Variants in TXNDC11 observed in about 807,000 individuals in gnomAD.
TXNDC11 encodes the protein thioredoxin domain-containing protein 11.
A neutral mutation model predicts 78.0 loss-of-function variants in TXNDC11; 68 were observed. The ratio of observed to expected loss-of-function variants is 0.87; its 90% CI spans 0.72 to 1.07. The LOEUF (loss-of-function observed/expected upper bound fraction) is 1.07. TXNDC11 is among the 50% of genes least tolerant of loss of function. The pLI is 0.00. For synonymous variants in TXNDC11, 571 were observed against 495.2 expected (o/e 1.15, Z -2.03); for missense variants, 1,389 against 1,221.8 (o/e 1.14, Z -2.04).
intron 11 of TXNDC11, among the ~76,000 whole-genome samples, chr16:11,683,655 C>T (rs1022199270): frequency 6.6e-6 from 1 of 151,974 alleles, no homozygotes; most frequent in African/African-American, 2.4e-5. Context: ...CATTCAAGCT[C>T]GGGTAAGAGA....
At chr16:11,687,258 T>C (rs2050590275) in intron 10 of TXNDC11, among the ~76,000 whole-genome samples, 1 of 152,176 alleles carries the variant, frequency 6.6e-6, no homozygotes, top group Admixed American at 6.5e-5. Context: ...TTAACTCTTA[T>C]CTATCTGTAG....
In TXNDC11 at chr16:11,742,815, C is replaced by G; in HGVS notation, c.-85G>C. 7.3e-7 allele frequency: 1 copy of G among 1,373,450 alleles called. No homozygotes were observed. Among genetic ancestry groups the G allele is most frequent in the Non-Finnish European group, 9.4e-7 (1 of 1,068,880 alleles). 85.1% of individuals were successfully genotyped at this position (1,373,450 alleles called of 1,614,324 possible). A position where few individuals can be genotyped will look rare whatever the true frequency, so the allele number is the denominator to read the frequency against. On this transcript the variant is annotated 5_prime_UTR_variant, in exon 1 of 12. Transcript: ENST00000283033. ...CCCGGCCCGTTGCTCCCCAATCCCG[C>G]AGCTCGCCGCACCCGCTAACCCGGA...
At chr16:11,740,423 C>T (rs1305128774) in intron 1 of TXNDC11, among the ~76,000 whole-genome samples, 2 of 152,216 alleles carry the variant, frequency 1.3e-5, no homozygotes, top group African/African-American at 4.8e-5. Flanking sequence ...TCTCATTCTG[C>T]CTACTCTAGT....
At chr16:11,708,522 C>T (rs2051248219) in intron 5 of TXNDC11, among the ~76,000 whole-genome samples, 1 of 152,140 alleles carries the variant, frequency 6.6e-6, no homozygotes, top group South Asian at 2.1e-4. Context: ...TGTGGAATTC[C>T]TTACATTAGG....
rs1348567881 is a variant in TXNDC11 at position 11,679,344 on chromosome 16, C to T, written c.2728G>A (p.Gly910Arg). ...TMERKLEGRDGAESLAAQREV... is the reference protein window; with the variant it reads ...TMERKLEGRDRAESLAAQREV... ...CTCTGGGCCGCCAGGCTTTCAGCTC[C>T]ATCCCTGCCCTCCAGTTTCCTCTCC... The change falls in exon 12 of 12, where the codon GGA becomes AGA. Residue 910 changes from glycine (G) to arginine (R), a missense_variant. Transcript: ENST00000283033. The surrounding 1 kb of genome is among the most constrained non-coding windows in gnomAD (Gnocchi z 4.6). 1.1e-5 allele frequency: 17 copies of T among 1,612,240 alleles called. No homozygotes were observed. Among genetic ancestry groups the T allele is most frequent in the Non-Finnish European group, 1.4e-5 (16 of 1,179,416 alleles).
chr16:11,734,704 C>T (rs2052169077), intron 2 of TXNDC11, among the ~76,000 whole-genome samples: 1 of 152,192 alleles, frequency 6.6e-6, no homozygotes. Flanking sequence ...CTCTTGTGCC[C>T]AACATGGGCA....
At chr16:11,682,523 G>C (rs2050449696) in intron 11 of TXNDC11, among the ~76,000 whole-genome samples, 1 of 152,208 alleles carries the variant, frequency 6.6e-6, no homozygotes, top group South Asian at 2.1e-4. Flanking sequence ...CCTGCCACCT[G>C]TTCCGCCTGT....
intron 3 of TXNDC11, among the ~76,000 whole-genome samples, chr16:11,731,343 C>T (rs2052038700): frequency 6.6e-6 from 1 of 152,186 alleles, no homozygotes; most frequent in Admixed American, 6.5e-5. Flanking sequence ...AGTCAGTGAC[C>T]TGTTTAAATA....
chr16:11,740,177 T>G (rs2141132565), intron 1 of TXNDC11, among the ~76,000 whole-genome samples: 1 of 151,904 alleles, frequency 6.6e-6, no homozygotes, highest in Non-Finnish European at 1.5e-5. Context: ...TATTCTCCCT[T>G]AAGCCTATCT....
Position 11,691,497 on chromosome 16 carries a change from T to C in TXNDC11, c.1693A>G (p.Thr565Ala), listed in dbSNP as rs1445936628. 3 of 1,614,222 alleles carry C rather than the reference T, an allele frequency of 1.9e-6. No homozygotes were observed. In the South Asian group the frequency reaches 3.3e-5, roughly 18 times the overall value. The change falls in exon 8 of 12, where the codon ACT becomes GCT. Residue 565 changes from threonine to alanine, a missense_variant. Physicochemically the swap from Thr to Ala is moderately conservative, Grantham distance 58 (BLOSUM62 0). Transcript: ENST00000283033. ...NRYLFPEVDM[T>A]STNFTGLSCR... is the part of the protein sequence containing the mutation. Reference sequence around the variant, plus strand: ...CTCAGGCCTGTGAAGTTTGTGCTAGTCATGTCCACTTCTGGAAAGAGATAC... The same window carrying C: ...CTCAGGCCTGTGAAGTTTGTGCTAGCCATGTCCACTTCTGGAAAGAGATAC...
chr16:11,716,480 G>C (rs2051530184), intron 5 of TXNDC11, among the ~76,000 whole-genome samples: 1 of 152,266 alleles, frequency 6.6e-6, no homozygotes, highest in African/African-American at 2.4e-5. Flanking sequence ...AGTCCTGGAG[G>C]AGTAAAGTAC....
At chr16:11,708,911 G>A (rs1419139629) in intron 5 of TXNDC11, among the ~76,000 whole-genome samples, 2 of 152,070 alleles carry the variant, frequency 1.3e-5, no homozygotes, top group Admixed American at 6.5e-5. Context: ...TTTAAAAAGG[G>A]ATTAAAACAA....
Position 11,742,524 on chromosome 16 carries a change from G to T in TXNDC11, c.207C>A (p.Ala69=). ...GGAGCAGCGCGCAGCCGAGCGCCAC[G>T]GCCCCGCAGAGCAGCTCCGGCCGCT... The part of the protein sequence containing the change: ...ARQRPELLCG[A]VALGCALLLA... Residue 69 remains alanine, a synonymous_variant, in exon 1 of 12, where the codon GCC becomes GCA. Transcript: ENST00000283033. 1 of 1,457,558 alleles carries T rather than the reference G, an allele frequency of 6.9e-7. No homozygotes were observed. The highest frequency in any genetic ancestry group is 1.5e-5 in the African/African-American group (1 of 67,624). 90.3% of individuals were successfully genotyped at this position (1,457,558 alleles called of 1,614,324 possible).
intron 6 of TXNDC11, among the ~76,000 whole-genome samples, chr16:11,699,202 C>T (rs997396775): frequency 6.6e-6 from 1 of 152,066 alleles, no homozygotes; most frequent in Admixed American, 6.6e-5. Context: ...AGGAATTCTA[C>T]TGCTACACAA....
chr16:11,721,844 C>A (rs770437874), intron 4 of TXNDC11, among the ~76,000 whole-genome samples, 174 bp from the exon 5 acceptor site: 1 of 152,120 alleles, frequency 6.6e-6, no homozygotes, highest in Non-Finnish European at 1.5e-5. Context: ...TGAACATCCC[C>A]TCCATTTAAA....
intron 10 of TXNDC11, among the ~76,000 whole-genome samples, chr16:11,686,498 C>T (rs2050570781): frequency 6.6e-6 from 1 of 152,192 alleles, no homozygotes; most frequent in Non-Finnish European, 1.5e-5. Context: ...AATGTGTTAA[C>T]TGTTTTTGTT....
At chr16:11,682,186 C>T (rs748199034) in intron 11 of TXNDC11, among the ~76,000 whole-genome samples, 1 of 152,262 alleles carries the variant, frequency 6.6e-6, no homozygotes, top group Non-Finnish European at 1.5e-5. Context: ...TCAGCTCACG[C>T]TGCTTGCCCA....
intron 6 of TXNDC11, 21 bp from the exon 7 acceptor site, chr16:11,698,346 G>T: frequency 6.2e-7 from 1 of 1,607,892 alleles, no homozygotes; most frequent in Non-Finnish European, 8.5e-7. Context: ...CAAAGGCACA[G>T]AGGATAAAGG....
At chr16:11,699,262 T>C (rs992043980) in intron 6 of TXNDC11, among the ~76,000 whole-genome samples, 34 of 152,258 alleles carry the variant, frequency 2.2e-4, no homozygotes, top group African/African-American at 8.0e-4. Flanking sequence ...CTGATATATT[T>C]TTCCATCTCA....
Sources: gnomAD v4.1 joint callset for allele counts (sites outside exome capture counted in the v4.1 genomes callset) on GRCh38, gnomAD v4.1.1 for gene constraint, Gnocchi (gnomAD v3.1) non-coding constraint, MANE v1.5 for transcripts, NCBI Gene and HGNC (gene_info 2026-07-23, HGNC 2026-07-21) for gene names.